PPME1: variants seen among roughly 807,000 people sequenced by gnomAD.
PPME1 encodes the protein testicular secretory protein Li 39.
A neutral mutation model predicts 56.9 loss-of-function variants in PPME1; 17 were observed. The ratio of observed to expected loss-of-function variants is 0.30; its 90% CI spans 0.20 to 0.45. The LOEUF is 0.45. Ranked by LOEUF, PPME1 falls within the 20% of genes least tolerant of loss-of-function variation. The pLI, the probability that PPME1 is intolerant of heterozygous loss-of-function variation, is 1.00. For synonymous variants in PPME1, 122 were observed against 156.2 expected (o/e 0.78, Z 1.63); for missense variants, 357 against 483.2 (o/e 0.74, Z 2.45).
chr11:74,183,830 C>G (rs1023976792), intron 1 of PPME1, among the ~76,000 whole-genome samples: 1 of 151,952 alleles, frequency 6.6e-6, no homozygotes, highest in East Asian at 1.9e-4. Context: ...ATTTACTTGT[C>G]CTAAGGCAGT....
chr11:74,187,776 G>A (rs937751106), intron 1 of PPME1, among the ~76,000 whole-genome samples: 1 of 152,206 alleles, frequency 6.6e-6, no homozygotes, highest in African/African-American at 2.4e-5. Context: ...TCCCCAGGAT[G>A]CTGAGGTCTG....
intron 3 of PPME1, among the ~76,000 whole-genome samples, chr11:74,209,403 A>T (rs1858413922): frequency 6.6e-6 from 1 of 152,116 alleles, no homozygotes; most frequent in African/African-American, 2.4e-5. Context: ...GTGTCTGGCC[A>T]TGGGAGCTAT....
chr11:74,228,234 T>C (rs1333593571), intron 5 of PPME1, among the ~76,000 whole-genome samples: 1 of 152,172 alleles, frequency 6.6e-6, no homozygotes, highest in African/African-American at 2.4e-5. Context: ...TGGTCTGTTA[T>C]TTTAATATGC....
chr11:74,171,814 G>C (rs561427717), intron 1 of PPME1, among the ~76,000 whole-genome samples: 22 of 152,252 alleles, frequency 1.4e-4, no homozygotes, highest in East Asian at 1.4e-3. Context: ...AATAAAGGAG[G>C]CTTAGAAAAG....
In PPME1 at chr11:74,230,658, T is replaced by G. The variant is rs72986713; in HGVS notation, c.554-254T>G. Reference sequence around the variant, plus strand: ...TGTATTTAATCATATAAAAAGAAGCTGCCATGTCTTTTCTGACCCAGCTTC... The same window carrying G: ...TGTATTTAATCATATAAAAAGAAGCGGCCATGTCTTTTCTGACCCAGCTTC... On this transcript the variant is annotated intron_variant, in intron 6 of 13. Coordinates refer to ENST00000328257, the MANE Select transcript of PPME1 (RefSeq NM_016147.3). The surrounding 1 kb of genome is among the most constrained non-coding windows in gnomAD (Gnocchi z 4.9). The G allele has an allele frequency of 1.3e-3, 749 of 598,642 alleles. 2 individuals are homozygous for G. The highest frequency in any genetic ancestry group is 1.5e-3 in the Non-Finnish European group (538 of 347,928). The allele number at this position is 598,642 out of a possible 1,614,324, so 37.1% of individuals were successfully genotyped here. A position where few individuals can be genotyped will look rare whatever the true frequency, so the allele number is the denominator to read the frequency against.
chr11:74,225,439 G>T (rs1280658391), intron 5 of PPME1, among the ~76,000 whole-genome samples, 183 bp downstream of exon 5: 1 of 151,934 alleles, frequency 6.6e-6, no homozygotes, highest in Non-Finnish European at 1.5e-5. Context: ...AGAAACCTGC[G>T]TCTTTCTTGG....
At chr11:74,221,176 T>C (rs1028200901) in intron 3 of PPME1, among the ~76,000 whole-genome samples, 1 of 152,190 alleles carries the variant, frequency 6.6e-6, no homozygotes, top group African/African-American at 2.4e-5. Context: ...ATATTTTGTT[T>C]CTGTTTTGTA....
chr11:74,207,149 A>G (rs1453804177), intron 3 of PPME1, among the ~76,000 whole-genome samples: 2 of 152,226 alleles, frequency 1.3e-5, no homozygotes, highest in Non-Finnish European at 2.9e-5. Flanking sequence ...ATAGGCAGAA[A>G]TTCTAAAGAT....
At chr11:74,237,890 T>C (rs1859237336) in intron 8 of PPME1, 1 of 152,234 alleles carries the variant, frequency 6.6e-6, no homozygotes, top group South Asian at 2.1e-4. Context: ...TGCCCACTTT[T>C]CAATTCCTAA....
At chr11:74,222,512 G>GC (rs1591049990) in intron 4 of PPME1, 143 bp downstream of exon 4, 1 of 751,182 alleles carries the variant, frequency 1.3e-6, no homozygotes. Flanking sequence ...CGTTGGAGAT[G>GC]GAGTCTCATT....
chr11:74,217,628 T>C (rs994625782), intron 3 of PPME1, among the ~76,000 whole-genome samples: 1 of 150,848 alleles, frequency 6.6e-6, no homozygotes, highest in Admixed American at 6.6e-5. Context: ...GTTCAGCATA[T>C]GCAAATCAAT....
chr11:74,223,881 C>G (rs1384791015), intron 4 of PPME1, among the ~76,000 whole-genome samples: 1 of 149,502 alleles, frequency 6.7e-6, no homozygotes, highest in Non-Finnish European at 1.5e-5. Flanking sequence ...AATTTTCTCC[C>G]ATTTTGTAGG....
intron 13 of PPME1, chr11:74,251,941 TTG>T: frequency 1.4e-6 from 1 of 722,010 alleles, no homozygotes; most frequent in Non-Finnish European, 2.5e-6. Context: ...TGTGATTAAA[TTG>T]TGCCTAGTCT....
Position 74,249,301 on chromosome 11 carries a change from T to C in PPME1, c.1010-1653T>C, listed in dbSNP as rs182591713. 3.3e-5 allele frequency: 5 copies of C among 152,348 alleles called. No individual in the cohort carries two copies. The East Asian group carries it at 9.6e-4, about 29-fold the overall frequency. 9.4% of individuals were successfully genotyped at this position (152,348 alleles called of 1,614,324 possible). A position where few individuals can be genotyped will look rare whatever the true frequency, so the allele number is the denominator to read the frequency against. On this transcript the variant is annotated intron_variant, in intron 11 of 13. Coordinates refer to ENST00000328257, the MANE Select transcript of PPME1 (RefSeq NM_016147.3). ...ACTTAGTTATGAAATCCTGGAAAAC[T>C]ACCACCTATTCATAGTACCCCTTGG...
intron 1 of PPME1, among the ~76,000 whole-genome samples, chr11:74,197,365 C>T (rs1858012688): frequency 6.6e-6 from 1 of 152,144 alleles, no homozygotes; most frequent in Admixed American, 6.5e-5. Flanking sequence ...AACCTTCTTG[C>T]TCTAATGGAT....
At chr11:74,235,873 T>C in intron 7 of PPME1, 28 bp from the exon 8 acceptor site, 1 of 1,597,156 alleles carries the variant, frequency 6.3e-7, no homozygotes, top group South Asian at 1.1e-5. Context: ...CTGAATAACC[T>C]TCTCTCTTCC....
At chr11:74,207,784 T>G (rs1356879552) in intron 3 of PPME1, among the ~76,000 whole-genome samples, 1 of 152,196 alleles carries the variant, frequency 6.6e-6, no homozygotes, top group Non-Finnish European at 1.5e-5. Context: ...CAGTGGGATC[T>G]CATTAGCACA....
At chr11:74,215,185 C>G (rs571252942) in intron 3 of PPME1, among the ~76,000 whole-genome samples, 1 of 152,054 alleles carries the variant, frequency 6.6e-6, no homozygotes, top group East Asian at 1.9e-4. Flanking sequence ...ATCTCTACAA[C>G]AAAAAATTGA....
At position 74,227,607 on chromosome 11, in the gene PPME1, A is replaced by G. The variant is rs190617008; in HGVS notation, c.398+2351A>G. Among the ~76,000 whole-genome samples the G allele has an allele frequency of 1.5e-4, 23 of 152,302 alleles. No homozygotes were observed. The East Asian group carries it at 4.4e-3, about 29-fold the overall frequency. ...ATTCCAATTTCTGTGATACACAGTA[A>G]TGCTTCTCAGAAAATTAACCTAGCA... On this transcript the variant is annotated intron_variant, in intron 5 of 13. Coordinates refer to ENST00000328257, the MANE Select transcript of PPME1 (RefSeq NM_016147.3).
Sources: gnomAD v4.1 joint callset for allele counts (sites outside exome capture counted in the v4.1 genomes callset) on GRCh38, gnomAD v4.1.1 for gene constraint, Gnocchi (gnomAD v3.1) non-coding constraint, MANE v1.5 for transcripts, NCBI Gene and HGNC (gene_info 2026-07-23, HGNC 2026-07-21) for gene names.